Variants in ETV1 observed in about 807,000 individuals in gnomAD.
ETV1 encodes the protein ETS translocation variant 1.
In ETV1, 27 loss-of-function variants were observed where a neutral mutation model predicts 62.3. That is an observed-to-expected ratio of 0.43 (90% CI 0.32 to 0.60). ETV1 has a LOEUF of 0.60. ETV1 is among the 20% of genes least tolerant of loss of function. ETV1 has a pLI of 0.06. For synonymous variants in ETV1, 222 were observed against 199.6 expected (o/e 1.11, Z -0.94); for missense variants, 605 against 605.8 (o/e 1.00, Z 0.01).
Position 13,935,678 on chromosome 7 carries a change from G to C in ETV1, c.554+30C>G, listed in dbSNP as rs753700736. ...ATTTTTTCCAAGAACGCAAAAAACA[G>C]TTTCTAGAAAACTGGTATCTGCAGG... On this transcript the variant is annotated intron_variant, in intron 8 of 13. Transcript: ENST00000430479. 5 of 1,594,320 alleles carry C rather than the reference G, an allele frequency of 3.1e-6. No homozygotes were observed. In the African/African-American group the frequency reaches 6.7e-5, roughly 21 times the overall value.
At chr7:13,911,686 A>G (rs1314360503) in intron 9 of ETV1, among the ~76,000 whole-genome samples, 2 of 152,242 alleles carry the variant, frequency 1.3e-5, no homozygotes, top group Non-Finnish European at 2.9e-5. Context: ...CTATGAATAT[A>G]GCAACATTGG....
At chr7:13,986,068 C>A in intron 5 of ETV1, 1 of 1,365,310 alleles carries the variant, frequency 7.3e-7, no homozygotes, top group Non-Finnish European at 1.0e-6. Flanking sequence ...ATCCTCATAT[C>A]TCCCATTTAT....
At chr7:13,973,904 C>T (rs1450326068) in intron 6 of ETV1, among the ~76,000 whole-genome samples, 1 of 152,072 alleles carries the variant, frequency 6.6e-6, no homozygotes, top group Non-Finnish European at 1.5e-5. Flanking sequence ...CGAATTAAGA[C>T]TCTGAAGATG....
intron 8 of ETV1, among the ~76,000 whole-genome samples, chr7:13,932,128 A>T (rs978930820): frequency 2.6e-5 from 4 of 152,102 alleles, no homozygotes; most frequent in Non-Finnish European, 4.4e-5. Context: ...TAATTTCCAC[A>T]CAAGATTCTT....
chr7:13,956,501 G>C (rs1218314566), intron 6 of ETV1, among the ~76,000 whole-genome samples: 1 of 152,200 alleles, frequency 6.6e-6, no homozygotes. Flanking sequence ...CATAGCAATA[G>C]TGTCATGGCA....
intron 9 of ETV1, among the ~76,000 whole-genome samples, chr7:13,923,392 T>C (rs17679963): frequency 0.08 from 12,112 of 152,246 alleles, 539 homozygotes; most frequent in Middle Eastern, 0.14. Context: ...ACATTTACAA[T>C]ATAAAAACAT....
At chr7:13,933,759 T>C (rs529245205) in intron 8 of ETV1, among the ~76,000 whole-genome samples, 31 of 152,354 alleles carry the variant, frequency 2.0e-4, no homozygotes, top group Non-Finnish European at 4.3e-4. Context: ...CAGCTGGTAC[T>C]GTCCTCAAAA....
intron 9 of ETV1, among the ~76,000 whole-genome samples, chr7:13,928,059 C>T (rs1562629170): frequency 1.3e-5 from 2 of 152,078 alleles, no homozygotes; most frequent in South Asian, 2.1e-4. Context: ...CGATGCTGGA[C>T]TATGTTTTGA....
intron 6 of ETV1, among the ~76,000 whole-genome samples, chr7:13,948,837 T>C (rs1788466250): frequency 6.6e-6 from 1 of 152,178 alleles, no homozygotes; most frequent in Non-Finnish European, 1.5e-5. Flanking sequence ...ACAGCTCAAC[T>C]AGTCAACAAA....
chr7:13,909,601 A>C, intron 11 of ETV1, 31 bp downstream of exon 11: 1 of 1,564,642 alleles, frequency 6.4e-7, no homozygotes, highest in Non-Finnish European at 8.8e-7. Context: ...CTTTAAAAAA[A>C]TCAGAACTTG....
At chr7:13,924,749 G>C (rs1353507178) in intron 9 of ETV1, among the ~76,000 whole-genome samples, 1 of 152,150 alleles carries the variant, frequency 6.6e-6, no homozygotes, top group African/African-American at 2.4e-5. Context: ...CAATATATCT[G>C]TAACTGATGG....
chr7:13,956,336 G>A (rs1452870221), intron 6 of ETV1, among the ~76,000 whole-genome samples: 3 of 149,978 alleles, frequency 2.0e-5, no homozygotes, highest in East Asian at 3.9e-4. Flanking sequence ...TTTTTTTATC[G>A]GCTCTAGAGT....
At chr7:13,944,709 C>T (rs1462946530) in intron 6 of ETV1, among the ~76,000 whole-genome samples, 1 of 152,112 alleles carries the variant, frequency 6.6e-6, no homozygotes, top group Non-Finnish European at 1.5e-5. Flanking sequence ...CACAGATTCT[C>T]AGACCTCGTT....
At chr7:13,985,175 G>C (rs973586854) in intron 5 of ETV1, among the ~76,000 whole-genome samples, 4 of 151,974 alleles carry the variant, frequency 2.6e-5, no homozygotes, top group African/African-American at 9.7e-5. Context: ...CACAACCTTT[G>C]ACTTTGCAAA....
At position 13,891,582 on chromosome 7, in the gene ETV1, T is replaced by C. The variant is rs1018269259; in HGVS notation, c.*4284A>G. 14 of 231,818 alleles carry C rather than the reference T, an allele frequency of 6.0e-5. No homozygotes were observed. Among genetic ancestry groups the C allele is most frequent in the Non-Finnish European group, 1.0e-4 (12 of 117,326 alleles). 14.4% of individuals were successfully genotyped at this position (231,818 alleles called of 1,614,324 possible). On this transcript the variant is annotated 3_prime_UTR_variant, in exon 14 of 14. Coordinates refer to ENST00000430479, the MANE Select transcript of ETV1 (RefSeq NM_004956.5). Reference sequence around the variant, plus strand: ...GTACTTTCCATAAACTGTTTTTTTTTTAAGTATGTCAAAGTGAGTCTCATG... The same window carrying C: ...GTACTTTCCATAAACTGTTTTTTTTCTAAGTATGTCAAAGTGAGTCTCATG...
chr7:13,929,537 C>G (rs1327974354), intron 9 of ETV1, among the ~76,000 whole-genome samples: 1 of 152,114 alleles, frequency 6.6e-6, no homozygotes, highest in African/African-American at 2.4e-5. Flanking sequence ...CTTTTTGTCT[C>G]TCTTCCTATC....
At position 13,908,043 on chromosome 7, in the gene ETV1, A is replaced by G. The variant is rs1005630341; in HGVS notation, c.941-1444T>C. On this transcript the variant is annotated intron_variant, in intron 11 of 13. Coordinates refer to ENST00000430479, the MANE Select transcript of ETV1 (RefSeq NM_004956.5). ...AGTAACTGAGTAATTATGCAGATAG[A>G]GTGAAACACTGTTACATTTTATAGT... 1.1e-4 allele frequency among the ~76,000 whole-genome samples: 17 copies of G among 152,252 alleles called. 1 individual carries two copies. In the East Asian group the frequency reaches 3.1e-3, roughly 28 times the overall value.
chr7:13,930,176 C>A (rs2128447975), intron 9 of ETV1, among the ~76,000 whole-genome samples: 1 of 152,194 alleles, frequency 6.6e-6, no homozygotes, highest in African/African-American at 2.4e-5. Context: ...GCTTTTATTT[C>A]ATAGATTATC....
upstream of ETV1, chr7:13,989,808 C>G (rs1782884046): frequency 2.6e-6 from 1 of 389,620 alleles, no homozygotes; most frequent in African/African-American, 2.1e-5. Context: ...GCTTGCTGCC[C>G]CTTCCCGCGG....
Sources: allele counts gnomAD v4.1 joint callset (sites outside exome capture counted in the v4.1 genomes callset), GRCh38; gene constraint gnomAD v4.1.1; transcripts MANE v1.5; gene names NCBI Gene and HGNC (gene_info 2026-07-23, HGNC 2026-07-21).